ERGIC1: variants seen among roughly 807,000 people sequenced by gnomAD.
The protein encoded by ERGIC1 is endoplasmic reticulum-Golgi intermediate compartment protein 1.
Under a neutral mutation model 38.3 loss-of-function variants are expected in ERGIC1, and 19 were observed. The ratio of observed to expected loss-of-function variants is 0.50; its 90% CI spans 0.35 to 0.73. The LOEUF (loss-of-function observed/expected upper bound fraction) is 0.73. ERGIC1 is among the 30% of genes least tolerant of loss of function. ERGIC1 has a pLI of 0.01. For missense variants in ERGIC1, 294 were observed against 389.2 expected, an observed-to-expected ratio of 0.76 and a Z score of 2.06; for synonymous variants, 124 against 157.6, an observed-to-expected ratio of 0.79 and a Z score of 1.60.
intron 2 of ERGIC1, among the ~76,000 whole-genome samples, chr5:172,893,015 C>T (rs1191819563): frequency 6.6e-6 from 1 of 152,124 alleles, no homozygotes; most frequent in Non-Finnish European, 1.5e-5. Flanking sequence ...TCCATCCCAT[C>T]CCCCCAGCTC....
chr5:172,861,604 G>A (rs1334703332), intron 1 of ERGIC1, among the ~76,000 whole-genome samples: 3 of 152,228 alleles, frequency 2.0e-5, no homozygotes, highest in Admixed American at 6.5e-5. Context: ...CTGTAAAGAC[G>A]AAAGGCATGT....
chr5:172,870,912 C>A (rs1761989608), intron 1 of ERGIC1, among the ~76,000 whole-genome samples: 1 of 152,164 alleles, frequency 6.6e-6, no homozygotes, highest in Non-Finnish European at 1.5e-5. Flanking sequence ...GCTCAGCGGG[C>A]CTTTTGCTGC....
chr5:172,947,375 A>G (rs1186108524), intron 9 of ERGIC1, among the ~76,000 whole-genome samples: 1 of 152,016 alleles, frequency 6.6e-6, no homozygotes, highest in African/African-American at 2.4e-5. Context: ...TGGGGATCTC[A>G]CTGTTTTGCC....
At chr5:172,900,414 G>A (rs191753515) in intron 3 of ERGIC1, among the ~76,000 whole-genome samples, 1 of 152,142 alleles carries the variant, frequency 6.6e-6, no homozygotes, top group East Asian at 1.9e-4. Context: ...TAGGGATGAG[G>A]GGAGGAAGGG....
chr5:172,918,768 G>T (rs995195497), intron 5 of ERGIC1, among the ~76,000 whole-genome samples: 1 of 152,222 alleles, frequency 6.6e-6, no homozygotes, highest in East Asian at 1.9e-4. Context: ...TCACAGTGCC[G>T]GCAGGCAGGT....
intron 5 of ERGIC1, among the ~76,000 whole-genome samples, chr5:172,923,068 C>T (rs1290067837): frequency 6.6e-6 from 1 of 151,372 alleles, no homozygotes; most frequent in African/African-American, 2.4e-5. Flanking sequence ...CTAGTCTGAG[C>T]ATCTAGGAGG....
intron 3 of ERGIC1, among the ~76,000 whole-genome samples, chr5:172,900,273 C>T (rs369161776): frequency 1.2e-4 from 19 of 152,336 alleles, no homozygotes; most frequent in African/African-American, 4.6e-4. Flanking sequence ...AAGGGCAGGG[C>T]TGCTTCTTTC....
chr5:172,933,996 C>T (rs996178938), intron 8 of ERGIC1: 2 of 152,222 alleles, frequency 1.3e-5, no homozygotes, highest in Non-Finnish European at 2.9e-5. Flanking sequence ...TGGGTTGTGA[C>T]CCAGACAGTC....
intron 2 of ERGIC1, among the ~76,000 whole-genome samples, chr5:172,894,521 G>A (rs1762675493): frequency 6.6e-6 from 1 of 152,092 alleles, no homozygotes; most frequent in African/African-American, 2.4e-5. Context: ...GGAGAAATTG[G>A]GAGTAATTCT....
chr5:172,881,628 C>T (rs1365661928), intron 1 of ERGIC1, among the ~76,000 whole-genome samples: 1 of 152,210 alleles, frequency 6.6e-6, no homozygotes, highest in Non-Finnish European at 1.5e-5. Flanking sequence ...ATATTTTCCA[C>T]CCAAATGGGC....
intron 5 of ERGIC1, among the ~76,000 whole-genome samples, chr5:172,919,636 T>C (rs1425001152): frequency 1.3e-5 from 2 of 152,208 alleles, no homozygotes; most frequent in African/African-American, 4.8e-5. Flanking sequence ...GAGCCTCAGG[T>C]TCCTCATCTG....
intron 2 of ERGIC1, among the ~76,000 whole-genome samples, chr5:172,891,178 C>G (rs1433171767): frequency 6.6e-6 from 1 of 152,238 alleles, no homozygotes; most frequent in Non-Finnish European, 1.5e-5. Context: ...GCCTGCAACA[C>G]ATGAGGGCCT....
chr5:172,922,995 T>A (rs141088306), intron 5 of ERGIC1, among the ~76,000 whole-genome samples: 2 of 151,914 alleles, frequency 1.3e-5, no homozygotes, highest in East Asian at 3.9e-4. Context: ...GCTAACAGGG[T>A]TTCAGCTGAT....
At chr5:172,849,112 C>T (rs1357473472) in intron 1 of ERGIC1, among the ~76,000 whole-genome samples, 1 of 152,110 alleles carries the variant, frequency 6.6e-6, no homozygotes, top group South Asian at 2.1e-4. Flanking sequence ...AAATGGAGAC[C>T]GAGAGAAGTT....
chr5:172,895,276 A>G (rs1762694045), intron 2 of ERGIC1, among the ~76,000 whole-genome samples: 1 of 152,164 alleles, frequency 6.6e-6, no homozygotes, highest in African/African-American at 2.4e-5. Context: ...TGTTGCTGAG[A>G]TCCTCAGAGA....
intron 1 of ERGIC1, among the ~76,000 whole-genome samples, chr5:172,856,191 G>C (rs983598739): frequency 2.0e-5 from 3 of 152,156 alleles, no homozygotes; most frequent in Non-Finnish European, 4.4e-5. Flanking sequence ...TGAGAGGCTG[G>C]ACTGGAGAGA....
At chr5:172,877,787 G>A (rs1021898751) in intron 1 of ERGIC1, among the ~76,000 whole-genome samples, 1 of 152,132 alleles carries the variant, frequency 6.6e-6, no homozygotes. Flanking sequence ...GTGGTACATA[G>A]CCTTGTGTAG....
chr5:172,881,329 C>T (rs745516087), intron 1 of ERGIC1, among the ~76,000 whole-genome samples: 15 of 152,168 alleles, frequency 9.9e-5, no homozygotes, highest in Middle Eastern at 3.2e-3. Context: ...GTGTACTCAC[C>T]GCCCAGCTTC....
chr5:172,870,890 C>G (rs996262711), intron 1 of ERGIC1, among the ~76,000 whole-genome samples: 42 of 152,234 alleles, frequency 2.8e-4, no homozygotes, highest in African/African-American at 9.9e-4. Context: ...GAAAGACTCA[C>G]AGTCTTCCCT....
Sources: gnomAD v4.1 joint callset for allele counts (sites outside exome capture counted in the v4.1 genomes callset) on GRCh38, gnomAD v4.1.1 for gene constraint, MANE v1.5 for transcripts, NCBI Gene and HGNC (gene_info 2026-07-23, HGNC 2026-07-21) for gene names.